Variants in CDYL observed in about 807,000 individuals in gnomAD.
CDYL encodes chromodomain Y-like protein.
In CDYL, 8 loss-of-function variants were observed where a neutral mutation model predicts 47.3. The observed-to-expected ratio is 0.17, with a 90% CI of 0.10 to 0.31. The LOEUF (loss-of-function observed/expected upper bound fraction) is 0.31, where lower values mean the gene tolerates loss of function less well. Ranked by LOEUF, CDYL falls within the 10% of genes least tolerant of loss-of-function variation. The probability of loss-of-function intolerance (pLI) is 1.00; values close to 1 mark genes in which losing one functional copy is unlikely to be tolerated. For missense variants in CDYL, 471 were observed against 701.4 expected, an observed-to-expected ratio of 0.67 and a Z score of 3.71; for synonymous variants, 266 against 265.0, an observed-to-expected ratio of 1.00 and a Z score of -0.04.
chr6:4,842,923 A>C (rs1406322918), intron 1 of CDYL, among the ~76,000 whole-genome samples: 1 of 152,102 alleles, frequency 6.6e-6, no homozygotes, highest in African/African-American at 2.4e-5. Flanking sequence ...GATTTGTTTC[A>C]AGATTTATAT....
chr6:4,737,245 TA>T (rs1757719220), intron 3 of CDYL, among the ~76,000 whole-genome samples: 1 of 152,076 alleles, frequency 6.6e-6, no homozygotes, highest in African/African-American at 2.4e-5. Flanking sequence ...TTTCTAAGTA[TA>T]AAAGTAATAG....
At chr6:4,716,547 C>G (rs1757267210) in intron 2 of CDYL, among the ~76,000 whole-genome samples, 1 of 151,654 alleles carries the variant, frequency 6.6e-6, no homozygotes, top group African/African-American at 2.4e-5. Context: ...CAATTGATAG[C>G]ACACCCTACA....
At chr6:4,901,218 TTTGAAC>T (rs1001015621) in intron 2 of CDYL, among the ~76,000 whole-genome samples, 3 of 152,146 alleles carry the variant, frequency 2.0e-5, no homozygotes, top group African/African-American at 7.2e-5. Context: ...TCTTGCTCCT[TTTGAAC>T]TTTAACTGAT....
chr6:4,788,609 T>C (rs955103018), intron 1 of CDYL, among the ~76,000 whole-genome samples: 5 of 150,040 alleles, frequency 3.3e-5, no homozygotes, highest in Non-Finnish European at 7.4e-5. Context: ...TGAAGGTGGG[T>C]CAGGAACTCT....
At chr6:4,820,796 A>C (rs945039182) in intron 1 of CDYL, among the ~76,000 whole-genome samples, 1 of 152,216 alleles carries the variant, frequency 6.6e-6, no homozygotes, top group Non-Finnish European at 1.5e-5. Context: ...CAGTCCTGCA[A>C]AACGCCTGTG....
chr6:4,754,162 T>C (rs1210651800), intron 3 of CDYL, among the ~76,000 whole-genome samples: 3 of 152,196 alleles, frequency 2.0e-5, no homozygotes, highest in African/African-American at 7.2e-5. Flanking sequence ...CAATTTTGAT[T>C]ACTTCATAAA....
intron 2 of CDYL, among the ~76,000 whole-genome samples, chr6:4,721,908 G>T (rs1438528221): frequency 1.3e-5 from 2 of 151,646 alleles, no homozygotes; most frequent in Admixed American, 1.3e-4. Context: ...TGTCGCCCAG[G>T]CTGAAATGCA....
intron 2 of CDYL, among the ~76,000 whole-genome samples, chr6:4,930,654 T>A (rs1315871880): frequency 6.6e-6 from 1 of 152,192 alleles, no homozygotes; most frequent in East Asian, 1.9e-4. Context: ...GGGAAGAGGG[T>A]GTCACAAGTC....
chr6:4,735,730 CACTCTAG>C (rs1297978231), intron 3 of CDYL, among the ~76,000 whole-genome samples: 1 of 152,000 alleles, frequency 6.6e-6, no homozygotes, highest in East Asian at 1.9e-4. Flanking sequence ...CGCTCCACTG[CACTCTAG>C]CACGGGCAAC....
intron 3 of CDYL, among the ~76,000 whole-genome samples, chr6:4,740,966 T>C (rs1228345397): frequency 6.6e-6 from 1 of 151,986 alleles, no homozygotes; most frequent in African/African-American, 2.4e-5. Flanking sequence ...TTTGTATTTT[T>C]AGTAGAGATG....
At position 4,716,283 on chromosome 6, in the gene CDYL, G is replaced by A. The variant is rs944693922; in HGVS notation, c.103+402G>A. ...AAAAGACTTTACCAATATGTAGTCAGAAATTGTTCAACATAAGCTTTCTGG... is the reference window on the plus strand; with the variant it reads ...AAAAGACTTTACCAATATGTAGTCAAAAATTGTTCAACATAAGCTTTCTGG... On this transcript the variant is annotated intron_variant, in intron 2 of 8. Coordinates refer to the CDYL transcript ENST00000328908. Among the ~76,000 whole-genome samples, 7 of 151,608 alleles carry A rather than the reference G, an allele frequency of 4.6e-5. No individual in the cohort carries two copies. The South Asian group carries it at 8.3e-4, about 18-fold the overall frequency.
chr6:4,731,154 T>C (rs949242129), intron 2 of CDYL, among the ~76,000 whole-genome samples: 4 of 152,234 alleles, frequency 2.6e-5, no homozygotes, highest in South Asian at 2.1e-4. Context: ...GTTACACTTC[T>C]GGTAATACAT....
intron 3 of CDYL, among the ~76,000 whole-genome samples, chr6:4,771,318 T>C (rs946820634): frequency 1.3e-5 from 2 of 152,194 alleles, no homozygotes; most frequent in Non-Finnish European, 2.9e-5. Context: ...TTCACCATGT[T>C]GGCCAGGCTG....
intron 6 of CDYL, among the ~76,000 whole-genome samples, chr6:4,952,925 G>A (rs1758752566): frequency 6.6e-6 from 1 of 151,938 alleles, no homozygotes. Context: ...GCGCCACCAT[G>A]CCTGGGTTAT....
chr6:4,729,181 C>T (rs545468638), intron 2 of CDYL, among the ~76,000 whole-genome samples: 2 of 152,282 alleles, frequency 1.3e-5, no homozygotes, highest in African/African-American at 4.8e-5. Flanking sequence ...TCTCCAAACA[C>T]ACAAACCCAG....
intron 2 of CDYL, among the ~76,000 whole-genome samples, chr6:4,921,218 C>T (rs897296257): frequency 8.5e-5 from 13 of 152,136 alleles, no homozygotes; most frequent in Non-Finnish European, 1.5e-4. Flanking sequence ...GTGCCTAGTG[C>T]GTCACTTTCC....
intron 2 of CDYL, among the ~76,000 whole-genome samples, chr6:4,917,113 C>G (rs17283864): frequency 0.076 from 11,527 of 152,262 alleles, 551 homozygotes; most frequent in South Asian, 0.14. Flanking sequence ...CCTGTCTTAT[C>G]AAATCGTTTG....
rs1758467814 is a variant in CDYL at position 4,776,819 on chromosome 6, C to T, written c.24+12C>T. The T allele has an allele frequency of 2.0e-6, 2 of 1,014,828 alleles. No individual in the cohort carries two copies. The highest frequency in any genetic ancestry group is 2.4e-6 in the Non-Finnish European group (2 of 828,526). 62.9% of individuals were successfully genotyped at this position (1,014,828 alleles called of 1,614,324 possible). On this transcript the variant is annotated intron_variant, in intron 1 of 6. Transcript: ENST00000397588. ...AGGAGCTGTACGAGGTACCTCCCCT[C>T]CCCCCGGCCTCGGGCCGCCCCCCGC...
At chr6:4,771,249 G>T (rs1027829077) in intron 3 of CDYL, among the ~76,000 whole-genome samples, 12 of 152,174 alleles carry the variant, frequency 7.9e-5, no homozygotes, top group African/African-American at 2.9e-4. Flanking sequence ...GAGTGGCTGG[G>T]ATTACAAGCA....
Sources: allele counts gnomAD v4.1 joint callset (sites outside exome capture counted in the v4.1 genomes callset), GRCh38; gene constraint gnomAD v4.1.1; transcripts MANE v1.5; gene names NCBI Gene and HGNC (gene_info 2026-07-23, HGNC 2026-07-21).